ERAP1: variants seen among roughly 807,000 people sequenced by gnomAD.
ERAP1 encodes the protein endoplasmic reticulum aminopeptidase 1.
ERAP1 carries 86 observed loss-of-function variants against 103.7 expected under a neutral mutation model. That is an observed-to-expected ratio of 0.83 (90% CI 0.70 to 0.99). The LOEUF is 0.99. Among genes scored for constraint, ERAP1 ranks in the 50% least tolerant of loss-of-function variants. ERAP1 has a pLI of 0.00. For missense variants in ERAP1, 1,009 were observed against 1,128.4 expected, an observed-to-expected ratio of 0.89 and a Z score of 1.52; for synonymous variants, 398 against 402.4, an observed-to-expected ratio of 0.99 and a Z score of 0.13.
exon 20 of ERAP1, chr5:96,762,864 A>G (rs1768484439): frequency 2.7e-6 from 1 of 373,594 alleles, no homozygotes; most frequent in Non-Finnish European, 4.9e-6. Context: ...ACCAGTAAAA[A>G]TTTGTCACTT....
chr5:96,814,381 G>A, the ERAP1 span: 51 of 455,266 alleles, frequency 1.1e-4, no homozygotes, highest in South Asian at 5.1e-4. Flanking sequence ...CTTAGATTAC[G>A]TCTGCCACAC....
At chr5:96,917,442 T>C in the ERAP1 span, 1 of 1,605,388 alleles carries the variant, frequency 6.2e-7, no homozygotes, top group Non-Finnish European at 8.5e-7. Flanking sequence ...TTAGTAATTT[T>C]TTTCTTCAAT....
the ERAP1 span, among the ~76,000 whole-genome samples, chr5:96,906,969 A>C: frequency 6.6e-6 from 1 of 152,230 alleles, no homozygotes; most frequent in Non-Finnish European, 1.5e-5. Flanking sequence ...CAGAGGTTGC[A>C]GTGAGCCAAG....
At chr5:96,815,728 TC>T in the ERAP1 span, among the ~76,000 whole-genome samples, 1 of 152,192 alleles carries the variant, frequency 6.6e-6, no homozygotes, top group South Asian at 2.1e-4. Flanking sequence ...TTCTTTTTTT[TC>T]TTTACTGTTT....
the ERAP1 span, among the ~76,000 whole-genome samples, chr5:96,833,152 C>T: frequency 6.6e-6 from 1 of 152,176 alleles, no homozygotes; most frequent in Non-Finnish European, 1.5e-5. Context: ...TACTTTGTTA[C>T]AGCAGCCTAA....
chr5:96,888,923 T>C, the ERAP1 span, among the ~76,000 whole-genome samples: 3 of 152,224 alleles, frequency 2.0e-5, no homozygotes, highest in African/African-American at 7.2e-5. Context: ...TATGATACAA[T>C]GGGTTAACAT....
At chr5:96,760,868 AATT>A (rs1245136423) in exon 20 of ERAP1, 1 of 151,942 alleles carries the variant, frequency 6.6e-6, no homozygotes, top group Non-Finnish European at 1.5e-5. Context: ...AACTCAATAA[AATT>A]ATTCAATGAT....
the ERAP1 span, chr5:96,884,034 T>C: frequency 3.3e-6 from 2 of 603,478 alleles, no homozygotes; most frequent in East Asian, 3.5e-5. Context: ...TAATTTGTTT[T>C]TATCTATCTA....
chr5:96,767,770 A>G (rs1348890431), intron 19 of ERAP1: 2 of 637,812 alleles, frequency 3.1e-6, no homozygotes, highest in Non-Finnish European at 5.6e-6. Context: ...TTTACAATAC[A>G]TTATTATTAA....
intron 4 of ERAP1, among the ~76,000 whole-genome samples, chr5:96,795,443 C>T (rs1385314886): frequency 6.6e-6 from 1 of 152,198 alleles, no homozygotes. Context: ...AGTGAAATGA[C>T]AGTTAGACCC....
At chr5:96,864,445 C>T in the ERAP1 span, among the ~76,000 whole-genome samples, 1 of 152,000 alleles carries the variant, frequency 6.6e-6, no homozygotes, top group African/African-American at 2.4e-5. Context: ...TGACATGTTT[C>T]TTAGTACAGA....
intron 3 of ERAP1, among the ~76,000 whole-genome samples, chr5:96,797,541 C>A (rs567906420): frequency 2.6e-5 from 4 of 152,282 alleles, no homozygotes; most frequent in African/African-American, 9.6e-5. Flanking sequence ...TGGTGCGTGC[C>A]TGTAGTCATA....
the ERAP1 span, among the ~76,000 whole-genome samples, chr5:96,875,281 T>A: frequency 6.6e-6 from 1 of 152,032 alleles, no homozygotes; most frequent in Non-Finnish European, 1.5e-5. Context: ...ATGCCTGTAA[T>A]CCCAATCCTT....
chr5:96,774,625 TC>T lies in ERAP1; in HGVS notation c.*1770del. On this transcript the variant is annotated 3_prime_UTR_variant, in exon 19 of 19. Transcript: ENST00000443439. ...GTGACCAAAACTGAAAATCAATATT[TC>T]CATGTTTCATTAATCAAGGCATAAA... 1 of 985,466 alleles carries T rather than the reference TC, an allele frequency of 1.0e-6. No individual in the cohort carries two copies. 61.0% of individuals were successfully genotyped at this position (985,466 alleles called of 1,614,324 possible).
At chr5:96,849,772 C>T in the ERAP1 span, among the ~76,000 whole-genome samples, 1 of 152,068 alleles carries the variant, frequency 6.6e-6, no homozygotes, top group Non-Finnish European at 1.5e-5. Context: ...AAGATTCTCA[C>T]AGAACCACAA....
chr5:96,833,408 T>C, the ERAP1 span, among the ~76,000 whole-genome samples: 1 of 152,224 alleles, frequency 6.6e-6, no homozygotes, highest in Non-Finnish European at 1.5e-5. Flanking sequence ...AAATGTATGT[T>C]TGTTTACTGA....
At chr5:96,841,446 A>AT in the ERAP1 span, among the ~76,000 whole-genome samples, 2 of 152,166 alleles carry the variant, frequency 1.3e-5, no homozygotes. Context: ...ACATTTACTG[A>AT]TTTCCTTGGC....
chr5:96,802,096 G>T (rs1207184441), intron 2 of ERAP1, among the ~76,000 whole-genome samples: 1 of 151,890 alleles, frequency 6.6e-6, no homozygotes, highest in Non-Finnish European at 1.5e-5. Flanking sequence ...AAGAAAAAAT[G>T]ACAAAGTTTA....
chr5:96,837,663 T>A, the ERAP1 span, among the ~76,000 whole-genome samples: 1 of 152,244 alleles, frequency 6.6e-6, no homozygotes, highest in African/African-American at 2.4e-5. Flanking sequence ...AGTGCTCTTT[T>A]AGCTTTGCTG....
Sources: allele counts gnomAD v4.1 joint callset (sites outside exome capture counted in the v4.1 genomes callset), GRCh38; gene constraint gnomAD v4.1.1; transcripts MANE v1.5; gene names NCBI Gene and HGNC (gene_info 2026-07-23, HGNC 2026-07-21).